KLHL18: variants seen among roughly 807,000 people sequenced by gnomAD.
KLHL18 encodes kelch like family member 18, also known as kelch-like protein 18.
In KLHL18, 38 loss-of-function variants were observed where a neutral mutation model predicts 58.5. The ratio of observed to expected loss-of-function variants is 0.65; its 90% confidence interval spans 0.50 to 0.85. KLHL18 has a LOEUF of 0.85. KLHL18 is among the 40% of genes least tolerant of loss of function. The pLI is 0.00. For synonymous variants in KLHL18, 303 were observed against 301.9 expected (o/e 1.00, Z -0.04); for missense variants, 624 against 778.4 (o/e 0.80, Z 2.36).
chr3:47,332,656 T>A (rs1333186086), intron 4 of KLHL18, among the ~76,000 whole-genome samples: 1 of 151,932 alleles, frequency 6.6e-6, no homozygotes, highest in Non-Finnish European at 1.5e-5. Flanking sequence ...GCTGTAGGGC[T>A]TTAGAGGGAG....
intron 5 of KLHL18, 124 bp downstream of exon 5, chr3:47,333,441 ATTGG>A (rs2107652774): frequency 1.1e-6 from 1 of 947,960 alleles, no homozygotes; most frequent in African/African-American, 1.7e-5. Context: ...TGGCACACAG[ATTGG>A]TCTGCCCTCT....
Position 47,322,592 on chromosome 3 carries a change from T to C in KLHL18, c.285T>C (p.Phe95=), listed in dbSNP as rs78679667. 1,442 of 1,606,400 alleles carry C rather than the reference T, an allele frequency of 9.0e-4. 15 individuals carry two copies. The African/African-American group carries it at 0.018, about 20-fold the overall frequency. ...DPSALEALIN[F]AYNGNLAIDQ... is the part of the protein sequence containing the mutation. ...GTGCCCTGGAGGCTCTGATCAACTT[T>C]GCCTACAACGGCAACCTTGCCATTG... is the stretch of plus-strand genomic sequence containing the variant. The change falls in exon 3 of 10, where the codon TTT becomes TTC. Residue 95 remains phenylalanine (F), a synonymous_variant. Transcript: ENST00000232766.
chr3:47,343,613 A>G lies in KLHL18; in HGVS notation c.1397A>G (p.Lys466Arg). The G allele has an allele frequency of 6.2e-7, 1 of 1,614,122 alleles. No individual in the cohort carries two copies. The highest frequency in any genetic ancestry group is 8.5e-7 in the Non-Finnish European group (1 of 1,180,026). ...CACCCTGCAGCTGGCATGCTCAACA[A>G]GCGCTGCCGGCACGGAGCCGCCTCC... ...TWHPAAGMLN[K>R]RCRHGAASLG... is the part of the protein sequence containing the mutation. The change falls in exon 10 of 10, where the codon AAG becomes AGG. Residue 466 changes from lysine (K) to arginine (R), a missense_variant. Transcript: ENST00000232766.
In KLHL18 at chr3:47,322,676, C is replaced by CA; in HGVS notation, c.372dup (p.Asp125ArgfsTer24). 1 of 1,602,768 alleles carries CA rather than the reference C, an allele frequency of 6.2e-7. No homozygotes were observed. The highest frequency in any genetic ancestry group is 8.5e-7 in the Non-Finnish European group (1 of 1,174,940). On this transcript the variant is annotated frameshift_variant, in exon 3 of 10. Coordinates refer to ENST00000232766, the MANE Select transcript of KLHL18 (RefSeq NM_025010.5). LOFTEE classifies it high-confidence loss of function. ...CGAGCTTCCTGCAGCTGCAGAGCATCAAAGACGCCTGCTGCACATTCCTTC... is the reference window on the plus strand; with the variant it reads ...CGAGCTTCCTGCAGCTGCAGAGCATCAAAAGACGCCTGCTGCACATTCCTTC...
Position 47,306,534 on chromosome 3 carries a change from G to T in KLHL18, c.130-13119G>T, listed in dbSNP as rs1424401970. Among the ~76,000 whole-genome samples the T allele has an allele frequency of 2.6e-5, 4 of 152,210 alleles. No individual in the cohort carries two copies. The East Asian group carries it at 7.7e-4, about 29-fold the overall frequency. On this transcript the variant is annotated intron_variant, in intron 1 of 9. Coordinates refer to ENST00000232766, the MANE Select transcript of KLHL18 (RefSeq NM_025010.5). ...AGAAATTAGGATTCTCCTCTCAGTG[G>T]TTATTTAGGTGGTTTTTTATTTTGT... is the stretch of plus-strand genomic sequence containing the variant.
chr3:47,284,534 A>G (rs1702621023), intron 1 of KLHL18, among the ~76,000 whole-genome samples: 1 of 151,530 alleles, frequency 6.6e-6, no homozygotes, highest in Non-Finnish European at 1.5e-5. Flanking sequence ...ACAGGGTTTC[A>G]CCATGTTGCT....
In KLHL18 at chr3:47,294,166, A is replaced by C. The variant is rs185794034; in HGVS notation, c.129+11072A>C. 7.2e-5 allele frequency among the ~76,000 whole-genome samples: 11 copies of C among 152,254 alleles called. No homozygotes were observed. In the East Asian group the frequency reaches 1.7e-3, roughly 24 times the overall value. On this transcript the variant is annotated intron_variant, in intron 1 of 9. Transcript: ENST00000232766. ...GTTTTTCTAGGGAAAAACAGATTTC[A>C]TTGTAGGGAATGAGCTACTAACAGA...
At chr3:47,323,784 C>T (rs1254187456) in intron 3 of KLHL18, among the ~76,000 whole-genome samples, 1 of 152,208 alleles carries the variant, frequency 6.6e-6, no homozygotes. Flanking sequence ...GGTATCTGGT[C>T]TGTCAGCATT....
At chr3:47,304,411 G>A (rs1382212173) in intron 1 of KLHL18, among the ~76,000 whole-genome samples, 4 of 152,108 alleles carry the variant, frequency 2.6e-5, no homozygotes, top group African/African-American at 7.2e-5. Flanking sequence ...CCTGAGGTAG[G>A]AGGATTGCAT....
intron 1 of KLHL18, 81 bp from the exon 2 acceptor site, chr3:47,319,572 G>C: frequency 6.7e-7 from 1 of 1,499,484 alleles, no homozygotes; most frequent in South Asian, 1.2e-5. Flanking sequence ...GCCGGGCGGA[G>C]GGGCAGGGTG....
chr3:47,288,201 C>G (rs1384138960), intron 1 of KLHL18, among the ~76,000 whole-genome samples: 1 of 114,678 alleles, frequency 8.7e-6, no homozygotes, highest in Admixed American at 1.3e-4. Flanking sequence ...AGCCTGGGGA[C>G]AGAGTGAGAC....
At chr3:47,342,673 AC>A (rs756956776) in intron 8 of KLHL18, 45 bp from the exon 9 acceptor site, 15 of 1,525,216 alleles carry the variant, frequency 9.8e-6, no homozygotes, top group South Asian at 2.3e-5. Context: ...GGGAACAAGA[AC>A]CCTGAATCTC....
intron 3 of KLHL18, among the ~76,000 whole-genome samples, chr3:47,324,294 CTTTCT>C (rs1414058982): frequency 2.8e-4 from 3 of 10,606 alleles, no homozygotes; most frequent in Admixed American, 1.6e-3. Context: ...CTTTTTCTTT[CTTTCT>C]TTTTTTTTTT....
intron 1 of KLHL18, chr3:47,297,589 A>T (rs1702923348): frequency 6.6e-6 from 3 of 456,586 alleles, no homozygotes; most frequent in South Asian, 4.6e-5. Flanking sequence ...TGAGATGAGA[A>T]GGTCATGCTT....
chr3:47,305,047 A>C (rs569059462), intron 1 of KLHL18, among the ~76,000 whole-genome samples: 5 of 152,012 alleles, frequency 3.3e-5, no homozygotes, highest in Non-Finnish European at 5.9e-5. Context: ...AGAAAGAAAA[A>C]AACCCATAAT....
chr3:47,305,536 CAT>C (rs1195688224), intron 1 of KLHL18, among the ~76,000 whole-genome samples: 7 of 151,668 alleles, frequency 4.6e-5, no homozygotes, highest in Non-Finnish European at 7.4e-5. Context: ...AGGATTTTTG[CAT>C]ATATATTCAT....
rs149219894 is a variant in KLHL18, at chr3:47,296,612, T to C, written c.129+13518T>C. 2.8e-3 allele frequency among the ~76,000 whole-genome samples: 427 copies of C among 152,342 alleles called. 2 individuals are homozygous for C. The highest frequency in any genetic ancestry group is 8.9e-3 in the African/African-American group (372 of 41,576). On this transcript the variant is annotated intron_variant, in intron 1 of 9. Coordinates refer to ENST00000232766, the MANE Select transcript of KLHL18 (RefSeq NM_025010.5). Reference sequence around the variant, plus strand: ...GGGAACATCAAAGGAGTAGCTGATATTTACAGTTCTGAGGGTTTGTGACTG... The same window carrying C: ...GGGAACATCAAAGGAGTAGCTGATACTTACAGTTCTGAGGGTTTGTGACTG...
chr3:47,346,368 A>T lies in KLHL18; in HGVS notation c.*2427A>T, dbSNP rs1008355788. On this transcript the variant is annotated 3_prime_UTR_variant, in exon 10 of 10. Transcript: ENST00000232766. Reference sequence around the variant, plus strand: ...AGCACAAGTCAGGAAACACCAACATATTCACACTCTCCCAGTAGGTTCCTC... The same window carrying T: ...AGCACAAGTCAGGAAACACCAACATTTTCACACTCTCCCAGTAGGTTCCTC... 2 of 152,638 alleles carry T rather than the reference A, an allele frequency of 1.3e-5. No homozygotes were observed. The highest frequency in any genetic ancestry group is 4.8e-5 in the African/African-American group (2 of 41,438). The allele number at this position is 152,638 out of a possible 1,614,324, so 9.5% of individuals were successfully genotyped here. A position where few individuals can be genotyped will look rare whatever the true frequency, so the allele number is the denominator to read the frequency against.
At chr3:47,301,184 C>CT (rs778535106) in intron 1 of KLHL18, among the ~76,000 whole-genome samples, 1 of 151,548 alleles carries the variant, frequency 6.6e-6, no homozygotes, top group Non-Finnish European at 1.5e-5. Context: ...TGTAGATTGT[C>CT]TTTTAATTCT....
Sources: gnomAD v4.1 joint callset for allele counts (sites outside exome capture counted in the v4.1 genomes callset) on GRCh38, gnomAD v4.1.1 for gene constraint, MANE v1.5 for transcripts, NCBI Gene and HGNC (gene_info 2026-07-23, HGNC 2026-07-21) for gene names.